Variants in LY6G5C observed in about 807,000 individuals in gnomAD.
The protein encoded by LY6G5C is lymphocyte antigen 6 family member G5C.
LY6G5C carries 6 observed loss-of-function variants against 10.5 expected under a neutral mutation model. The ratio of observed to expected loss-of-function variants is 0.57; its 90% CI spans 0.31 to 1.12. The LOEUF is 1.12. Among genes scored for constraint, LY6G5C ranks in the 50% most tolerant of loss-of-function variants. The pLI, the probability that LY6G5C is intolerant of heterozygous loss-of-function variation, is 0.05. For missense variants in LY6G5C, 160 were observed against 185.5 expected, an observed-to-expected ratio of 0.86 and a Z score of 0.80; for synonymous variants, 69 against 67.8, an observed-to-expected ratio of 1.02 and a Z score of -0.09.
chr6:31,676,911 G>A, exon 3 of LY6G5C: 3 of 1,587,834 alleles, frequency 1.9e-6, no homozygotes, highest in Non-Finnish European at 2.6e-6. Flanking sequence ...TCAGGAAGGT[G>A]GCTGGAAACT....
chr6:31,679,122 T>C lies in LY6G5C; in HGVS notation c.268A>G (p.Ile90Val), dbSNP rs763944951. ...TTACTGTTCTTTTTGTGGAGAGTGA[T>C]GCAGCTGCTGCCAGCTGGGGTGAGG... Residue 90 changes from isoleucine (I) to valine (V), a missense_variant, in exon 2 of 3, where the codon ATC (isoleucine) becomes GTC (valine). Physicochemically the swap from Ile to Val is conservative, Grantham distance 29. Transcript: ENST00000383237. This position sits in a 1 kb window ranked among gnomAD's most constrained non-coding sequence, Gnocchi z 4.4. 6 of 1,612,868 alleles carry C rather than the reference T, an allele frequency of 3.7e-6. No individual in the cohort carries two copies. Among genetic ancestry groups the C allele is most frequent in the Non-Finnish European group, 4.2e-6 (5 of 1,179,998 alleles).
At chr6:31,678,626 C>T (rs1317048458) in intron 2 of LY6G5C, among the ~76,000 whole-genome samples, 2 of 152,138 alleles carry the variant, frequency 1.3e-5, no homozygotes, top group African/African-American at 4.8e-5. Flanking sequence ...AGAAGCTATT[C>T]AGCTACAGAT....
intron 2 of LY6G5C, among the ~76,000 whole-genome samples, chr6:31,678,857 TTAA>T (rs1439060384): frequency 1.3e-5 from 2 of 151,994 alleles, no homozygotes; most frequent in African/African-American, 4.8e-5. Context: ...GCGTGCACCT[TTAA>T]TCCCAGCTGC....
chr6:31,676,780 C>G (rs2151201234), exon 3 of LY6G5C: 1 of 624,646 alleles, frequency 1.6e-6, no homozygotes, highest in Non-Finnish European at 2.8e-6. Flanking sequence ...TACAGAGTAG[C>G]AGTAAGTGTG....
intron 2 of LY6G5C, 103 bp from the exon 3 acceptor site, chr6:31,677,223 G>T: frequency 1.6e-6 from 2 of 1,222,486 alleles, no homozygotes; most frequent in Non-Finnish European, 2.3e-6. Context: ...AAAAAGAAAA[G>T]ATTCCTGTAG....
Position 31,679,496 on chromosome 6 carries a change from C to T in LY6G5C, c.122-228G>A, listed in dbSNP as rs1802766545. ...TAACAAATCCCCAGACCCAGCAGAG[C>T]ACTTGGTGTTAGGCAGAGGAAAGTG... is the stretch of plus-strand genomic sequence containing the variant. On this transcript the variant is annotated intron_variant, in intron 1 of 2. Coordinates refer to ENST00000383237, the Ensembl canonical transcript of LY6G5C. The surrounding 1 kb of genome is among the most constrained non-coding windows in gnomAD (Gnocchi z 4.4). The T allele has an allele frequency of 1.7e-6, 1 of 588,536 alleles. No individual in the cohort carries two copies. Among genetic ancestry groups the T allele is most frequent in the South Asian group, 2.1e-5 (1 of 48,136 alleles). The allele number at this position is 588,536 out of a possible 1,614,324, so 36.5% of individuals were successfully genotyped here.
At chr6:31,676,974 C>G in exon 3 of LY6G5C, 1 of 1,612,978 alleles carries the variant, frequency 6.2e-7, no homozygotes, top group Non-Finnish European at 8.5e-7. Context: ...GTATAGAGCC[C>G]TCTGTTTTGA....
chr6:31,680,967 G>C (rs1052564372), upstream of LY6G5C, among the ~76,000 whole-genome samples: 8 of 151,682 alleles, frequency 5.3e-5, no homozygotes, highest in Non-Finnish European at 7.4e-5. The surrounding 1 kb of genome is among the most constrained non-coding windows in gnomAD (Gnocchi z 4.5). Context: ...TAGAAGACTG[G>C]ACAGATTTGC....
chr6:31,677,029 G>A (rs1802616040), exon 3 of LY6G5C: 7 of 1,612,858 alleles, frequency 4.3e-6, no homozygotes, highest in East Asian at 4.5e-5. Flanking sequence ...AGAATATCCA[G>A]AAGCCAGACA....
At chr6:31,677,020 G>A (rs746674563) in exon 3 of LY6G5C, 6 of 1,613,020 alleles carry the variant, frequency 3.7e-6, no homozygotes, top group Admixed American at 1.7e-5. Context: ...AGTATTGAGA[G>A]AATATCCAGA....
chr6:31,679,366 C>T lies in LY6G5C; in HGVS notation c.122-98G>A, dbSNP rs1312360998. 3 of 1,339,244 alleles carry T rather than the reference C, an allele frequency of 2.2e-6. No individual in the cohort carries two copies. Among genetic ancestry groups the T allele is most frequent in the Non-Finnish European group, 3.2e-6 (3 of 941,358 alleles). 83.0% of individuals were successfully genotyped at this position (1,339,244 alleles called of 1,614,324 possible). A position where few individuals can be genotyped will look rare whatever the true frequency, so the allele number is the denominator to read the frequency against. ...GCCACTCAGCCCCACTCCTCCCTCC[C>T]TTCCTGTCTCAGAAAACCATCAAAG... On this transcript the variant is annotated intron_variant, in intron 1 of 2. Transcript: ENST00000383237. The surrounding 1 kb of genome is among the most constrained non-coding windows in gnomAD (Gnocchi z 4.4).
rs1181491195 is a variant in LY6G5C, at chr6:31,679,457, G to A, written c.122-189C>T. The A allele has an allele frequency of 7.9e-6, 5 of 634,888 alleles. No homozygotes were observed. Among genetic ancestry groups the A allele is most frequent in the Admixed American group, 2.7e-5 (1 of 36,740 alleles). The allele number at this position is 634,888 out of a possible 1,614,324, so 39.3% of individuals were successfully genotyped here. On this transcript the variant is annotated intron_variant, in intron 1 of 2. Coordinates refer to ENST00000383237, the Ensembl canonical transcript of LY6G5C. This position sits in a 1 kb window ranked among gnomAD's most constrained non-coding sequence, Gnocchi z 4.4. ...ATCCCCCTTTTCCTCTGGTCCTAAG[G>A]CCAGACCACATGTTAACAAATCCCC... is the stretch of plus-strand genomic sequence containing the variant.
chr6:31,678,967 A>C lies in LY6G5C; in HGVS notation c.289+134T>G, dbSNP rs916837308. On this transcript the variant is annotated intron_variant, in intron 2 of 2. Transcript: ENST00000383237. ...TGCACTCCAGCCTGGGTGACAGAGC[A>C]GCAAAAAAAAAAAGACAGGATTGGA... The C allele has an allele frequency of 5.6e-6, 5 of 896,488 alleles. No homozygotes were observed. In the African/African-American group the frequency reaches 7.9e-5, roughly 14 times the overall value. The allele number at this position is 896,488 out of a possible 1,614,324, so 55.5% of individuals were successfully genotyped here.
chr6:31,679,962 G>A lies in LY6G5C; in HGVS notation c.121+291C>T, dbSNP rs541301962. 2.0e-4 allele frequency: 56 copies of A among 276,420 alleles called. 2 individuals carry two copies. The Middle Eastern group carries it at 5.2e-3, about 26-fold the overall frequency. The allele number at this position is 276,420 out of a possible 1,614,324, so 17.1% of individuals were successfully genotyped here. ...TTCGGGAGGCTGAGGCATGAGAATC[G>A]CTTGAACCCGGGAGGTGGAGGTTGC... On this transcript the variant is annotated intron_variant, in intron 1 of 2. Coordinates refer to ENST00000383237, the Ensembl canonical transcript of LY6G5C. The surrounding 1 kb of genome is among the most constrained non-coding windows in gnomAD (Gnocchi z 4.4).
chr6:31,676,898 A>G (rs1802606295), exon 3 of LY6G5C: 2 of 1,551,778 alleles, frequency 1.3e-6, no homozygotes, highest in Non-Finnish European at 1.8e-6. Context: ...GCCCAGATAG[A>G]AGTCAGGAAG....
chr6:31,680,222 G>A lies in LY6G5C; in HGVS notation c.121+31C>T, dbSNP rs774103754. The A allele has an allele frequency of 1.6e-5, 26 of 1,612,872 alleles. 1 individual carries two copies. In the South Asian group the frequency reaches 2.7e-4, roughly 17 times the overall value. On this transcript the variant is annotated intron_variant, in intron 1 of 2. Coordinates refer to ENST00000383237, the Ensembl canonical transcript of LY6G5C. The surrounding 1 kb of genome is among the most constrained non-coding windows in gnomAD (Gnocchi z 4.5). The stretch of plus-strand genomic sequence containing the variant: ...CTGTGGGTTTCTCCATCCAGGCCAG[G>A]AGACCCTTCTGAACCCTTGGAGCCA...
chr6:31,678,507 C>T (rs1342310965), intron 2 of LY6G5C, among the ~76,000 whole-genome samples: 1 of 152,192 alleles, frequency 6.6e-6, no homozygotes, highest in Non-Finnish European at 1.5e-5. Context: ...AGGAGAAGAG[C>T]AACACCAGCA....
At position 31,680,327 on chromosome 6, in the gene LY6G5C, A is replaced by C. The variant is rs757620903; in HGVS notation, c.47T>G (p.Leu16Arg). 11 of 1,609,992 alleles carry C rather than the reference A, an allele frequency of 6.8e-6. No homozygotes were observed. In the African/African-American group the frequency reaches 1.2e-4, roughly 18 times the overall value. ...GGCTTGGGGGCTGCTGTGGAAGCAC[A>C]GGGGACCCAGACTCTGGCTCCCTGC... Residue 16 changes from leucine (L) to arginine (R), a missense_variant, in exon 1 of 3, where the codon CTG (leucine) becomes CGG (arginine). Transcript: ENST00000383237. This position sits in a 1 kb window ranked among gnomAD's most constrained non-coding sequence, Gnocchi z 4.5.
exon 3 of LY6G5C, chr6:31,677,018 G>C (rs1802615249): frequency 1.2e-6 from 2 of 1,613,014 alleles, no homozygotes; most frequent in Non-Finnish European, 1.7e-6. Context: ...GCAGTATTGA[G>C]AGAATATCCA....
Sources: allele counts gnomAD v4.1 joint callset (sites outside exome capture counted in the v4.1 genomes callset), GRCh38; gene constraint gnomAD v4.1.1; non-coding constraint Gnocchi (gnomAD v3.1); transcripts MANE v1.5; gene names NCBI Gene and HGNC (gene_info 2026-07-23, HGNC 2026-07-21).